NKAIN2: variants seen among roughly 807,000 people sequenced by gnomAD.
NKAIN2 encodes sodium/potassium-transporting ATPase subunit beta-1-interacting protein 2.
A neutral mutation model predicts 32.6 loss-of-function variants in NKAIN2; 14 were observed. The observed-to-expected ratio is 0.43, with a 90% confidence interval of 0.28 to 0.67. The LOEUF (loss-of-function observed/expected upper bound fraction) is 0.67, where lower values mean the gene tolerates loss of function less well. Among genes scored for constraint, NKAIN2 ranks in the 30% least tolerant of loss-of-function variants. NKAIN2 has a pLI of 0.17. For missense variants in NKAIN2, 198 were observed against 258.3 expected (o/e 0.77, Z 1.60); for synonymous variants, 80 against 87.2 (o/e 0.92, Z 0.46).
At chr6:124,565,096 G>C (rs1395102275) in intron 3 of NKAIN2, among the ~76,000 whole-genome samples, 3 of 152,180 alleles carry the variant, frequency 2.0e-5, no homozygotes. Flanking sequence ...GGAGGTGGCG[G>C]TGAGGGGAAA....
intron 3 of NKAIN2, among the ~76,000 whole-genome samples, chr6:124,400,250 A>AT (rs111359669): frequency 9.2e-5 from 14 of 151,694 alleles, no homozygotes; most frequent in Middle Eastern, 3.4e-3. Context: ...TAGGCTATGG[A>AT]TTTTTTTTTA....
intron 3 of NKAIN2, among the ~76,000 whole-genome samples, chr6:124,617,122 G>A (rs907736216): frequency 1.3e-5 from 2 of 152,150 alleles, no homozygotes; most frequent in Admixed American, 1.3e-4. Context: ...TAAATAGGGA[G>A]AATAATATCT....
chr6:124,491,353 A>G (rs1777857643), intron 3 of NKAIN2, among the ~76,000 whole-genome samples: 1 of 151,916 alleles, frequency 6.6e-6, no homozygotes, highest in African/African-American at 2.4e-5. Context: ...TGGATCTGCT[A>G]CCAGTTTATT....
At chr6:124,280,191 G>A (rs1224059562) in intron 1 of NKAIN2, among the ~76,000 whole-genome samples, 1 of 151,954 alleles carries the variant, frequency 6.6e-6, no homozygotes, top group Non-Finnish European at 1.5e-5. Context: ...GGTCCCCATG[G>A]GCAAAATCAG....
chr6:124,505,662 C>T (rs1562226375), intron 3 of NKAIN2, among the ~76,000 whole-genome samples: 1 of 152,092 alleles, frequency 6.6e-6, no homozygotes, highest in Non-Finnish European at 1.5e-5. Flanking sequence ...AATACTGCAT[C>T]TATCTGATAC....
intron 1 of NKAIN2, among the ~76,000 whole-genome samples, chr6:124,012,896 AG>A (rs149690212): frequency 0.015 from 2,216 of 152,234 alleles, 56 homozygotes; most frequent in African/African-American, 0.051. Context: ...TTTGCTTTTT[AG>A]GAAACTACCA....
At chr6:124,530,554 C>T (rs1023566229) in intron 3 of NKAIN2, among the ~76,000 whole-genome samples, 4 of 152,034 alleles carry the variant, frequency 2.6e-5, no homozygotes, top group African/African-American at 9.7e-5. Context: ...CATTCAAAAC[C>T]GAGCTGTGCA....
At chr6:124,500,351 T>C (rs1253981165) in intron 3 of NKAIN2, among the ~76,000 whole-genome samples, 1 of 151,710 alleles carries the variant, frequency 6.6e-6, no homozygotes, top group Non-Finnish European at 1.5e-5. Context: ...TTTTTTAATC[T>C]AAAATGGGAA....
intron 4 of NKAIN2, among the ~76,000 whole-genome samples, chr6:124,676,068 T>C (rs79583005): frequency 0.059 from 8,990 of 152,228 alleles, 369 homozygotes; most frequent in African/African-American, 0.11. Flanking sequence ...TCCCTTTTGA[T>C]TTTTCCTTTG....
chr6:124,447,220 C>T (rs902400753), intron 3 of NKAIN2, among the ~76,000 whole-genome samples: 1 of 152,000 alleles, frequency 6.6e-6, no homozygotes, highest in African/African-American at 2.4e-5. Context: ...AGAATGCCCC[C>T]GTTGTAATAT....
intron 1 of NKAIN2, among the ~76,000 whole-genome samples, chr6:124,024,917 G>T (rs1781036335): frequency 1.3e-5 from 2 of 151,864 alleles, no homozygotes; most frequent in Admixed American, 1.3e-4. Context: ...AACTTGGGAG[G>T]CAGAGGTTGC....
At chr6:124,738,927 T>C in intron 4 of NKAIN2, among the ~76,000 whole-genome samples, 1 of 152,040 alleles carries the variant, frequency 6.6e-6, no homozygotes, top group Non-Finnish European at 1.5e-5. Flanking sequence ...TAAATTATTT[T>C]CCCAATTATT....
At chr6:124,235,065 A>G (rs9491093) in intron 1 of NKAIN2, among the ~76,000 whole-genome samples, 105,927 of 152,000 alleles carry the variant, frequency 0.7, 37,119 homozygotes, top group South Asian at 0.76. Flanking sequence ...CAAAGCTTAA[A>G]GGACAGAGTA....
chr6:124,115,497 A>G (rs1381536387), intron 1 of NKAIN2, among the ~76,000 whole-genome samples: 2 of 151,756 alleles, frequency 1.3e-5, no homozygotes, highest in Non-Finnish European at 2.9e-5. Flanking sequence ...TTCCCTTGAG[A>G]AAAAAAAATT....
intron 2 of NKAIN2, among the ~76,000 whole-genome samples, chr6:124,335,296 G>A (rs1016244627): frequency 6.6e-6 from 1 of 152,180 alleles, no homozygotes; most frequent in African/African-American, 2.4e-5. Context: ...ATTTCTTAAT[G>A]TGTTTGCCTA....
chr6:123,809,220 T>C (rs1393942001), intron 1 of NKAIN2, among the ~76,000 whole-genome samples: 3 of 152,178 alleles, frequency 2.0e-5, no homozygotes, highest in Non-Finnish European at 4.4e-5. Flanking sequence ...CCATTTTTTT[T>C]CTGATATAAT....
intron 1 of NKAIN2, chr6:124,121,728 G>C (rs1785890210): frequency 5.0e-6 from 1 of 200,722 alleles, no homozygotes; most frequent in South Asian, 8.4e-5. Flanking sequence ...GATCTGGGAA[G>C]CAAATTAATA....
intron 3 of NKAIN2, among the ~76,000 whole-genome samples, chr6:124,472,922 AG>A (rs1351320215): frequency 1.3e-5 from 2 of 152,032 alleles, no homozygotes; most frequent in Non-Finnish European, 2.9e-5. Context: ...ATTGAGGTGG[AG>A]CTATGTGGTA....
chr6:124,747,982 G>A (rs187454135), intron 4 of NKAIN2, among the ~76,000 whole-genome samples: 4 of 151,856 alleles, frequency 2.6e-5, no homozygotes, highest in African/African-American at 9.6e-5. Context: ...CACAATGAAT[G>A]TTTTTGAAAA....
Sources: allele counts gnomAD v4.1 joint callset (sites outside exome capture counted in the v4.1 genomes callset), GRCh38; gene constraint gnomAD v4.1.1; transcripts MANE v1.5; gene names NCBI Gene and HGNC (gene_info 2026-07-23, HGNC 2026-07-21).